The following GCKR variants were observed in gnomAD, a reference collection of about 807,000 sequenced individuals.
GCKR encodes the protein glucokinase regulatory protein.
In GCKR, 73 loss-of-function variants were observed where a neutral mutation model predicts 82.9. The ratio of observed to expected loss-of-function variants is 0.88; its 90% confidence interval spans 0.73 to 1.07. GCKR has a LOEUF of 1.07. Ranked by LOEUF, GCKR falls within the 50% of genes least tolerant of loss-of-function variation. The pLI is 0.00. For missense variants in GCKR, 784 were observed against 782.1 expected, an observed-to-expected ratio of 1.00 and a Z score of -0.03; for synonymous variants, 294 against 291.8, an observed-to-expected ratio of 1.01 and a Z score of -0.08.
At chr2:27,514,645 A>G (rs1669962553) in intron 16 of GCKR, among the ~76,000 whole-genome samples, 1 of 152,232 alleles carries the variant, frequency 6.6e-6, no homozygotes, top group Non-Finnish European at 1.5e-5. Flanking sequence ...TCTCCTATGT[A>G]GGACATATAG....
At chr2:27,507,575 C>A in intron 13 of GCKR, 106 bp from the exon 14 acceptor site, 1 of 765,692 alleles carries the variant, frequency 1.3e-6, no homozygotes, top group South Asian at 1.4e-5. Flanking sequence ...AGCTCTTTCA[C>A]CTGTGCACAA....
intron 8 of GCKR, among the ~76,000 whole-genome samples, 191 bp from the exon 9 acceptor site, chr2:27,503,323 A>G (rs549300730): frequency 7.2e-5 from 11 of 152,282 alleles, no homozygotes; most frequent in African/African-American, 2.6e-4. Flanking sequence ...GAGGTGCTGC[A>G]TGTTTTATTA....
intron 4 of GCKR, 119 bp downstream of exon 4, chr2:27,498,442 C>A: frequency 1.3e-6 from 1 of 759,046 alleles, no homozygotes; most frequent in South Asian, 1.6e-5. Flanking sequence ...GGACTCCAAG[C>A]CTGGCTCTTT....
chr2:27,497,573 C>G lies in GCKR; in HGVS notation c.228C>G (p.Ser76Arg), dbSNP rs371436300. ...QALSTYQRLYSESILTTMVQV... is the reference protein window; with the variant it reads ...QALSTYQRLYRESILTTMVQV... The stretch of plus-strand genomic sequence containing the variant: ...CATATTCCCTACAGAGACTCTACAG[C>G]GAATCCATTCTGACCACCATGGTAC... The change falls in exon 3 of 19, where the codon AGC becomes AGG. Residue 76 changes from serine to arginine, a missense_variant. By Grantham distance (110) the Ser-to-Arg change is moderately radical. Transcript: ENST00000264717. The G allele has an allele frequency of 1.9e-6, 3 of 1,611,324 alleles. No homozygotes were observed. Among genetic ancestry groups the G allele is most frequent in the Non-Finnish European group, 2.5e-6 (3 of 1,177,534 alleles).
At chr2:27,499,264 G>A in intron 6 of GCKR, 56 bp downstream of exon 6, 1 of 1,407,872 alleles carries the variant, frequency 7.1e-7, no homozygotes, top group East Asian at 2.3e-5. Flanking sequence ...TTCTCATGGG[G>A]ACATAAAAGC....
intron 3 of GCKR, among the ~76,000 whole-genome samples, chr2:27,497,896 GA>G (rs1316916558): frequency 6.6e-6 from 1 of 152,158 alleles, no homozygotes; most frequent in Non-Finnish European, 1.5e-5. Flanking sequence ...TTCCTCAGAT[GA>G]AAAAACAAAG....
chr2:27,521,462 C>G (rs2148594070), intron 17 of GCKR, among the ~76,000 whole-genome samples: 1 of 151,312 alleles, frequency 6.6e-6, no homozygotes, highest in Non-Finnish European at 1.5e-5. Flanking sequence ...TCCTGAGTAG[C>G]TGGGATTACA....
rs200593419 is a variant in GCKR, at chr2:27,507,308, C to G, written c.1140C>G (p.Asn380Lys). The G allele has an allele frequency of 2.5e-6, 4 of 1,601,398 alleles. No homozygotes were observed. ...DMFNQKAELT[N>K]QGPQFTFSQE... ...TTAACCAGAAGGCTGAGCTCACCAA[C>G]CAGGTCGGAGAAGAACAGGACTTGG... The change falls in exon 13 of 19, where the codon AAC (asparagine) becomes AAG (lysine). Residue 380 changes from asparagine (N) to lysine (K), a missense_variant. By Grantham distance (94) the Asn-to-Lys change is moderately conservative. Coordinates refer to ENST00000264717, the MANE Select transcript of GCKR (RefSeq NM_001486.4).
intron 10 of GCKR, among the ~76,000 whole-genome samples, chr2:27,506,175 C>T (rs944896156): frequency 6.6e-6 from 1 of 152,130 alleles, no homozygotes; most frequent in African/African-American, 2.4e-5. Context: ...GACCTGCCTC[C>T]CTCTCCAGGG....
rs768151448 is a variant in GCKR at position 27,499,433 on chromosome 2, A to G, written c.532A>G (p.Ile178Val). The change falls in exon 7 of 19, where the codon ATT becomes GTT. Residue 178 changes from isoleucine (I) to valine (V), a missense_variant. Transcript: ENST00000264717. ...AGKKRVIVIG[I>V]SVGLSAPFVA... ...GAAGAAGAGAGTGATTGTCATTGGCATTTCTGTGGGACTCTCTGTGAGTAA... is the reference window on the plus strand; with the variant it reads ...GAAGAAGAGAGTGATTGTCATTGGCGTTTCTGTGGGACTCTCTGTGAGTAA... 6.2e-7 allele frequency: 1 copy of G among 1,611,552 alleles called. No individual in the cohort carries two copies. Among genetic ancestry groups the G allele is most frequent in the Non-Finnish European group, 8.5e-7 (1 of 1,177,656 alleles).
chr2:27,507,130 C>A, intron 12 of GCKR, 105 bp from the exon 13 acceptor site: 2 of 856,232 alleles, frequency 2.3e-6, no homozygotes, highest in Non-Finnish European at 4.1e-6. Context: ...CTCTACGCCC[C>A]ACTTGCCACT....
At chr2:27,513,637 T>C (rs1669939778) in intron 16 of GCKR, among the ~76,000 whole-genome samples, 1 of 152,202 alleles carries the variant, frequency 6.6e-6, no homozygotes, top group South Asian at 2.1e-4. Context: ...TTTTTTGTTG[T>C]TGTTAAATGT....
intron 10 of GCKR, 32 bp downstream of exon 10, chr2:27,505,868 A>G: frequency 8.7e-7 from 1 of 1,144,108 alleles, no homozygotes; most frequent in Non-Finnish European, 1.3e-6. Flanking sequence ...GAGAGCTCAG[A>G]GTCAGGCGAG....
chr2:27,506,746 G>T, intron 11 of GCKR, 42 bp from the exon 12 acceptor site: 1 of 1,320,134 alleles, frequency 7.6e-7, no homozygotes, highest in Non-Finnish European at 1.1e-6. Flanking sequence ...TGGCCTCTTT[G>T]CACGGTGATC....
rs762582768 is a variant in GCKR at position 27,508,001 on chromosome 2, T to A, written c.1265T>A (p.Ile422Lys). The change falls in exon 15 of 19, where the codon ATA (isoleucine) becomes AAA (lysine). Residue 422 changes from isoleucine (I) to lysine (K), a missense_variant. Transcript: ENST00000264717. Reference sequence around the variant, plus strand: ...GACAACCTCACGGAGGTGCAGACTATAGTGGAGCAGGTGAAAGAGAAGACC... The same window carrying A: ...GACAACCTCACGGAGGTGCAGACTAAAGTGGAGCAGGTGAAAGAGAAGACC... ...LDDNLTEVQT[I>K]VEQVKEKTNH... The A allele has an allele frequency of 6.2e-7, 1 of 1,613,184 alleles. No homozygotes were observed. Among genetic ancestry groups the A allele is most frequent in the Non-Finnish European group, 8.5e-7 (1 of 1,179,328 alleles).
chr2:27,500,936 A>G (rs2148580402), intron 7 of GCKR, among the ~76,000 whole-genome samples, 199 bp from the exon 8 acceptor site: 1 of 152,344 alleles, frequency 6.6e-6, no homozygotes, highest in Non-Finnish European at 1.5e-5. Flanking sequence ...TTCCTTGGAG[A>G]ACTTGTTAAA....
rs555676652 is a variant in GCKR, at chr2:27,502,967, A to T, written c.645-547A>T. On this transcript the variant is annotated intron_variant, in intron 8 of 18. Coordinates refer to ENST00000264717, the MANE Select transcript of GCKR (RefSeq NM_001486.4). ...TGTAGCTCTCTTGCCTCATGAACAC[A>T]TTTATTTGTTCCCAATTAATTTACT... Among the ~76,000 whole-genome samples, 5 of 152,314 alleles carry T rather than the reference A, an allele frequency of 3.3e-5. No homozygotes were observed. In the East Asian group the frequency reaches 9.6e-4, roughly 29 times the overall value.
chr2:27,499,196 G>A lies in GCKR; in HGVS notation c.483G>A (p.Glu161=), dbSNP rs766951214. The change falls in exon 6 of 19, where the codon GAG becomes GAA. Residue 161 remains glutamate, a synonymous_variant. Coordinates refer to ENST00000264717, the MANE Select transcript of GCKR (RefSeq NM_001486.4). Reference sequence around the variant, plus strand: ...AAGATAGTGCCTTGCACGGGATTGAGGAACTGAAGAAGGTCTGTGCTTTTC... The same window carrying A: ...AAGATAGTGCCTTGCACGGGATTGAAGAACTGAAGAAGGTCTGTGCTTTTC... The part of the protein sequence containing the change: ...GTEDSALHGI[E]ELKKVAAGKK... 2 of 1,608,806 alleles carry A rather than the reference G, an allele frequency of 1.2e-6. No individual in the cohort carries two copies. The highest frequency in any genetic ancestry group is 2.2e-5 in the East Asian group (1 of 44,858).
chr2:27,512,243 A>C (rs532024524), intron 16 of GCKR, among the ~76,000 whole-genome samples: 7 of 149,906 alleles, frequency 4.7e-5, no homozygotes, highest in Admixed American at 2.7e-4. Context: ...CTCAAAAAAA[A>C]AAAAAAAAAA....
Sources: allele counts gnomAD v4.1 joint callset (sites outside exome capture counted in the v4.1 genomes callset), GRCh38; gene constraint gnomAD v4.1.1; transcripts MANE v1.5; gene names NCBI Gene and HGNC (gene_info 2026-07-23, HGNC 2026-07-21).